Variants in TIMM23 observed in about 807,000 individuals in gnomAD.
TIMM23 encodes translocase of inner mitochondrial membrane 23.
In TIMM23, 19 loss-of-function variants were observed where a neutral mutation model predicts 30.7. The observed-to-expected ratio is 0.62, with a 90% CI of 0.43 to 0.91. The LOEUF is 0.91. TIMM23 is among the 40% of genes least tolerant of loss of function. The pLI, the probability that TIMM23 is intolerant of heterozygous loss-of-function variation, is 0.00. For synonymous variants in TIMM23, 78 were observed against 98.5 expected (o/e 0.79, Z 1.23); for missense variants, 202 against 269.2 (o/e 0.75, Z 1.75).
Position 45,993,244 on chromosome 10 carries a change from C to CTTTTTTTTTTTTTTTTTTTTTTTTTTT in TIMM23, c.514+4414_514+4415insTTTTTTTTTTTTTTTTTTTTTTTTTTT, listed in dbSNP as rs782013689. Among the ~76,000 whole-genome samples the CTTTTTTTTTTTTTTTTTTTTTTTTTTT allele has an allele frequency of 1.4e-4, 10 of 72,034 alleles. 1 individual carries two copies. The highest frequency in any genetic ancestry group is 5.4e-4 in the African/African-American group (8 of 14,732). The allele number at this position is 72,034 out of a possible 152,430, so 47.3% of individuals were successfully genotyped here. ...TTGCCAGTGTGAGCATCTACCATCA[C>CTTTTTTTTTTTTTTTTTTTTTTTTTTT]TTTTTTTTTTTTTTTTTGGAGACTG... is the stretch of plus-strand genomic sequence containing the variant. On this transcript the variant is annotated intron_variant, in intron 6 of 6. Transcript: ENST00000580018.
intron 6 of TIMM23, chr10:45,998,473 G>A (rs1838414994): frequency 1.3e-6 from 1 of 797,866 alleles, no homozygotes; most frequent in African/African-American, 1.9e-5. Flanking sequence ...TCTGTTCAAA[G>A]CAAGTACCTT....
intron 6 of TIMM23, among the ~76,000 whole-genome samples, chr10:46,001,672 A>T (rs1564912938): frequency 6.6e-6 from 1 of 152,146 alleles, no homozygotes. Flanking sequence ...TCTCCCTAAC[A>T]CATGACTTGG....
intron 6 of TIMM23, among the ~76,000 whole-genome samples, chr10:45,993,070 A>C (rs1838213948): frequency 1.3e-5 from 2 of 152,034 alleles, no homozygotes; most frequent in South Asian, 4.2e-4. Context: ...CTTTTCTTTG[A>C]GGCCTTAAAC....
intron 6 of TIMM23, chr10:45,992,575 T>C (rs782788875): frequency 2.3e-6 from 1 of 431,290 alleles, no homozygotes; most frequent in Non-Finnish European, 4.5e-6. Context: ...TTTTTTTTTT[T>C]TTAAACGGAG....
intron 6 of TIMM23, among the ~76,000 whole-genome samples, chr10:46,001,941 C>T (rs764413508): frequency 3.9e-5 from 6 of 152,012 alleles, no homozygotes; most frequent in Admixed American, 3.9e-4. Flanking sequence ...TTTAAGTAAC[C>T]GATTGAAATA....
At chr10:45,973,929 T>A (rs1328625710) in intron 1 of TIMM23, among the ~76,000 whole-genome samples, 1 of 152,052 alleles carries the variant, frequency 6.6e-6, no homozygotes, top group Non-Finnish European at 1.5e-5. Context: ...CTGGGATTCC[T>A]AGGCCTGAGC....
intron 6 of TIMM23, among the ~76,000 whole-genome samples, chr10:45,998,899 C>T (rs1464717883): frequency 7.0e-6 from 1 of 142,958 alleles, no homozygotes; most frequent in Admixed American, 7.4e-5. Context: ...GTGATGCAAT[C>T]TTTGCTCACT....
intron 6 of TIMM23, among the ~76,000 whole-genome samples, chr10:45,990,520 C>T (rs1269098856): frequency 0.035 from 5,244 of 151,642 alleles, 316 homozygotes; most frequent in African/African-American, 0.12. Flanking sequence ...CTCCTGGGCT[C>T]AGGTGATCCA....
In TIMM23 at chr10:45,988,782, G is replaced by A; in HGVS notation, c.449G>A (p.Gly150Asp). 1 of 1,613,848 alleles carries A rather than the reference G, an allele frequency of 6.2e-7. No individual in the cohort carries two copies. ...AFGVIIEKTR[G>D]AEDDLNTVAA... ...GGTGTCATCATTGAGAAAACACGAG[G>A]TGCAGAAGATGACCTTAACACAGTA... is the stretch of plus-strand genomic sequence containing the variant. The change falls in exon 6 of 7, where the codon GGT becomes GAT. Residue 150 changes from glycine to aspartate, a missense_variant. Coordinates refer to ENST00000580018, the MANE Select transcript of TIMM23 (RefSeq NM_006327.4).
At chr10:45,986,108 A>G (rs1162142074) in intron 5 of TIMM23, among the ~76,000 whole-genome samples, 1 of 152,220 alleles carries the variant, frequency 6.6e-6, no homozygotes, top group Admixed American at 6.5e-5. Context: ...TGGCAGATTA[A>G]GGAGGGGAAG....
chr10:45,986,894 C>A (rs1280651534), intron 5 of TIMM23, among the ~76,000 whole-genome samples: 10 of 151,754 alleles, frequency 6.6e-5, no homozygotes, highest in Non-Finnish European at 1.5e-5. Context: ...AAATATTCTT[C>A]CTGAGACTTC....
rs868992857 is a variant in TIMM23 at position 45,996,012 on chromosome 10, T to A, written c.514+7165T>A. On this transcript the variant is annotated intron_variant, in intron 6 of 6. Coordinates refer to ENST00000580018, the MANE Select transcript of TIMM23 (RefSeq NM_006327.4). ...CATAATAAACCAACCTAACAAAAAA[T>A]GCTGCCTTTCGGAGGCAAGAATATA... Among the ~76,000 whole-genome samples, 631 of 148,450 alleles carry A rather than the reference T, an allele frequency of 4.3e-3. 10 individuals are homozygous for A. Among genetic ancestry groups the A allele is most frequent in the East Asian group, 0.014 (73 of 5,126 alleles).
At position 46,003,358 on chromosome 10, in the gene TIMM23, C is replaced by A; in HGVS notation, c.*40C>A. On this transcript the variant is annotated 3_prime_UTR_variant, in exon 7 of 7. Transcript: ENST00000580018. ...CATGAATGGAGGACACTTCAGTAGTCATCTAGATCCTTTTATAAGACAGTT... is the reference window on the plus strand; with the variant it reads ...CATGAATGGAGGACACTTCAGTAGTAATCTAGATCCTTTTATAAGACAGTT... 7.5e-7 allele frequency: 1 copy of A among 1,335,424 alleles called. No individual in the cohort carries two copies. The highest frequency in any genetic ancestry group is 1.2e-5 in the South Asian group (1 of 83,554). 82.7% of individuals were successfully genotyped at this position (1,335,424 alleles called of 1,614,324 possible). A position where few individuals can be genotyped will look rare whatever the true frequency, so the allele number is the denominator to read the frequency against.
chr10:45,978,026 G>T (rs1355844491), intron 2 of TIMM23, among the ~76,000 whole-genome samples: 1 of 151,238 alleles, frequency 6.6e-6, no homozygotes, highest in Non-Finnish European at 1.5e-5. Context: ...AGTAAGACTC[G>T]GTCTCAAAAA....
intron 6 of TIMM23, among the ~76,000 whole-genome samples, chr10:46,002,815 T>G (rs918620834): frequency 1.7e-4 from 24 of 138,952 alleles, no homozygotes; most frequent in African/African-American, 6.1e-4. Flanking sequence ...ATAGTATTTT[T>G]TTTTTTTTTT....
chr10:45,982,544 C>T lies in TIMM23; in HGVS notation c.187C>T (p.Pro63Ser). 1 of 1,613,910 alleles carries T rather than the reference C, an allele frequency of 6.2e-7. No homozygotes were observed. ...LVQDTDEFIL[P>S]TGANKTRGRF... The stretch of plus-strand genomic sequence containing the variant: ...TTAGGATACAGATGAGTTTATTTTA[C>T]CTACCGGAGCTAATAAAACCCGGGG... Residue 63 changes from proline to serine, a missense_variant, in exon 3 of 7, where the codon CCT (proline) becomes TCT (serine). Transcript: ENST00000580018.
intron 6 of TIMM23, chr10:46,002,604 C>A: frequency 5.4e-6 from 3 of 557,140 alleles, no homozygotes; most frequent in Non-Finnish European, 6.8e-6. Context: ...AGTTCTAAAT[C>A]ATATTACTAG....
Position 46,003,352 on chromosome 10 carries a change from A to T in TIMM23, c.*34A>T. On this transcript the variant is annotated 3_prime_UTR_variant, in exon 7 of 7. Transcript: ENST00000580018. ...CCAACTCATGAATGGAGGACACTTC[A>T]GTAGTCATCTAGATCCTTTTATAAG... 1 of 1,408,934 alleles carries T rather than the reference A, an allele frequency of 7.1e-7. No individual in the cohort carries two copies. The highest frequency in any genetic ancestry group is 1.2e-5 in the South Asian group (1 of 86,432). The allele number at this position is 1,408,934 out of a possible 1,614,324, so 87.3% of individuals were successfully genotyped here.
chr10:45,990,072 C>CTA (rs1220914830), intron 6 of TIMM23, among the ~76,000 whole-genome samples: 55 of 149,872 alleles, frequency 3.7e-4, no homozygotes, highest in Admixed American at 2.8e-3. Context: ...CAACAGTGTT[C>CTA]TATACGTCTC....
Sources: gnomAD v4.1 joint callset for allele counts (sites outside exome capture counted in the v4.1 genomes callset) on GRCh38, gnomAD v4.1.1 for gene constraint, MANE v1.5 for transcripts, NCBI Gene and HGNC (gene_info 2026-07-23, HGNC 2026-07-21) for gene names.